Variants in PRKAG2 observed in about 807,000 individuals in gnomAD.
PRKAG2 encodes 5'-AMP-activated protein kinase subunit gamma-2.
A neutral mutation model predicts 69.6 loss-of-function variants in PRKAG2; 26 were observed. That is an observed-to-expected ratio of 0.37 (90% CI 0.27 to 0.52). The LOEUF is 0.52. Among genes scored for constraint, PRKAG2 ranks in the 20% least tolerant of loss-of-function variants. The pLI is 0.90. For synonymous variants in PRKAG2, 293 were observed against 285.0 expected (o/e 1.03, Z -0.28); for missense variants, 557 against 740.0 (o/e 0.75, Z 2.87).
In PRKAG2 at chr7:151,798,160, C is replaced by T. The variant is rs140450122; in HGVS notation, c.115-11619G>A. Among the ~76,000 whole-genome samples, 911 of 152,092 alleles carry T rather than the reference C, an allele frequency of 6.0e-3. 13 individuals are homozygous for T. The highest frequency in any genetic ancestry group is 0.021 in the African/African-American group (872 of 41,466). On this transcript the variant is annotated intron_variant, in intron 1 of 15. Coordinates refer to ENST00000287878, the MANE Select transcript of PRKAG2 (RefSeq NM_016203.4). ...CTGAGATTACAGGCGCCCGCCACCA[C>T]GCCTGGCTAATTTTTGTATATTTAG...
intron 1 of PRKAG2, among the ~76,000 whole-genome samples, chr7:151,794,589 C>A (rs993285431): frequency 2.0e-5 from 3 of 152,278 alleles, no homozygotes; most frequent in Admixed American, 2.0e-4. Flanking sequence ...GCATCATCAC[C>A]AGGGCAGCCA....
chr7:151,599,894 C>T (rs1055506421), intron 5 of PRKAG2, among the ~76,000 whole-genome samples: 6 of 152,222 alleles, frequency 3.9e-5, no homozygotes, highest in African/African-American at 1.4e-4. Context: ...ATTAAACACT[C>T]CTGCTCCGTA....
At chr7:151,869,216 G>C (rs1342308315) in intron 1 of PRKAG2, among the ~76,000 whole-genome samples, 1 of 152,206 alleles carries the variant, frequency 6.6e-6, no homozygotes, top group Non-Finnish European at 1.5e-5. Flanking sequence ...TGCTGCTTCT[G>C]TTTATGTTAA....
chr7:151,799,518 G>A (rs1033662285), intron 1 of PRKAG2, among the ~76,000 whole-genome samples: 3 of 152,158 alleles, frequency 2.0e-5, no homozygotes, highest in East Asian at 1.9e-4. Flanking sequence ...CACAAAGCCC[G>A]TGCTCCAACT....
At chr7:151,769,275 A>G (rs1232666925) in intron 3 of PRKAG2, among the ~76,000 whole-genome samples, 2 of 152,224 alleles carry the variant, frequency 1.3e-5, no homozygotes, top group Non-Finnish European at 2.9e-5. Flanking sequence ...GCTGGGTTAG[A>G]CAGTGCCCCC....
chr7:151,786,591 G>C (rs2077022049), intron 1 of PRKAG2, 50 bp from the exon 2 acceptor site: 1 of 1,473,602 alleles, frequency 6.8e-7, no homozygotes, highest in African/African-American at 1.4e-5. Flanking sequence ...CTCGGGCCCA[G>C]GGGCTGCATG....
At chr7:151,602,410 G>C (rs1215294819) in intron 5 of PRKAG2, among the ~76,000 whole-genome samples, 3 of 152,128 alleles carry the variant, frequency 2.0e-5, no homozygotes, top group Admixed American at 2.0e-4. Context: ...ATACATGTTA[G>C]TATTACTATA....
chr7:151,737,606 G>C (rs1240289177), intron 3 of PRKAG2, among the ~76,000 whole-genome samples: 1 of 152,188 alleles, frequency 6.6e-6, no homozygotes, highest in Non-Finnish European at 1.5e-5. Flanking sequence ...GGAGTGTGGG[G>C]TGGAAGCGCC....
In PRKAG2 at chr7:151,835,106, G is replaced by C. The variant is rs567371625; in HGVS notation, c.114+41401C>G. Reference sequence around the variant, plus strand: ...CATCAAAACTCATCACATCGGAAACGACCCTGTTTCCAAAAGAGGTCACAT... The same window carrying C: ...CATCAAAACTCATCACATCGGAAACCACCCTGTTTCCAAAAGAGGTCACAT... On this transcript the variant is annotated intron_variant, in intron 1 of 15. Coordinates refer to ENST00000287878, the MANE Select transcript of PRKAG2 (RefSeq NM_016203.4). The surrounding 1 kb of genome is among the most constrained non-coding windows in gnomAD (Gnocchi z 4.1). Among the ~76,000 whole-genome samples, 447 of 152,274 alleles carry C rather than the reference G, an allele frequency of 2.9e-3. 2 individuals are homozygous for C. The highest frequency in any genetic ancestry group is 4.5e-3 in the Non-Finnish European group (309 of 68,024).
At chr7:151,687,809 AC>A (rs1170729185) in intron 3 of PRKAG2, among the ~76,000 whole-genome samples, 1 of 152,164 alleles carries the variant, frequency 6.6e-6, no homozygotes, top group African/African-American at 2.4e-5. Flanking sequence ...TGGGGAGAAG[AC>A]CGTTTGTATG....
chr7:151,640,636 A>T (rs1028685543), intron 4 of PRKAG2, among the ~76,000 whole-genome samples: 1 of 151,696 alleles, frequency 6.6e-6, no homozygotes, highest in Non-Finnish European at 1.5e-5. Flanking sequence ...CTTTTCTTTC[A>T]GTCTGCTTTT....
chr7:151,703,116 A>C (rs537786280), intron 3 of PRKAG2, among the ~76,000 whole-genome samples: 10 of 152,292 alleles, frequency 6.6e-5, no homozygotes, highest in African/African-American at 2.4e-4. Context: ...TCAGCCTCTC[A>C]CATTGCCTGC....
intron 1 of PRKAG2, among the ~76,000 whole-genome samples, chr7:151,832,234 GAGGA>G (rs1429834309): frequency 8.9e-5 from 5 of 56,132 alleles, no homozygotes; most frequent in Non-Finnish European, 2.1e-4. Flanking sequence ...GAGGGAAGGA[GAGGA>G]GGAGGGAAGG....
chr7:151,780,205 T>C lies in PRKAG2; in HGVS notation c.466+947A>G, dbSNP rs1244002170. ...AGGCTGACAGAGACCTGGCTTCTCG[T>C]CCTACAGCCACTGCTGCCTGATGGA... is the stretch of plus-strand genomic sequence containing the variant. On this transcript the variant is annotated intron_variant, in intron 3 of 15. Coordinates refer to ENST00000287878, the MANE Select transcript of PRKAG2 (RefSeq NM_016203.4). The surrounding 1 kb of genome is among the most constrained non-coding windows in gnomAD (Gnocchi z 4.2). Among the ~76,000 whole-genome samples, 1 of 152,256 alleles carries C rather than the reference T, an allele frequency of 6.6e-6. No individual in the cohort carries two copies. The highest frequency in any genetic ancestry group is 1.5e-5 in the Non-Finnish European group (1 of 68,046).
intron 4 of PRKAG2, among the ~76,000 whole-genome samples, chr7:151,645,658 G>A (rs1048108986): frequency 6.6e-6 from 1 of 152,156 alleles, no homozygotes; most frequent in African/African-American, 2.4e-5. Context: ...CTCTCCTTCT[G>A]TGGCTTGCCT....
chr7:151,714,390 G>A (rs1285331419), intron 3 of PRKAG2, among the ~76,000 whole-genome samples: 1 of 145,788 alleles, frequency 6.9e-6, no homozygotes, highest in Non-Finnish European at 1.5e-5. Flanking sequence ...GCGCCCCGCC[G>A]TGCCTAGGTG....
chr7:151,646,610 A>G (rs1827601982), intron 4 of PRKAG2, among the ~76,000 whole-genome samples: 1 of 152,206 alleles, frequency 6.6e-6, no homozygotes, highest in Admixed American at 6.5e-5. Flanking sequence ...AAGTAATCAC[A>G]TCATCTACTG....
At chr7:151,617,046 G>C (rs1246040750) in intron 5 of PRKAG2, among the ~76,000 whole-genome samples, 1 of 151,894 alleles carries the variant, frequency 6.6e-6, no homozygotes, top group Non-Finnish European at 1.5e-5. Context: ...GATCGCCTGA[G>C]GTCAAGAGTA....
At chr7:151,616,265 C>G (rs1478538480) in intron 5 of PRKAG2, among the ~76,000 whole-genome samples, 1 of 152,186 alleles carries the variant, frequency 6.6e-6, no homozygotes, top group African/African-American at 2.4e-5. Context: ...CGGGAGGAAG[C>G]AGGTGCACAT....
Sources: gnomAD v4.1 joint callset for allele counts (sites outside exome capture counted in the v4.1 genomes callset) on GRCh38, gnomAD v4.1.1 for gene constraint, Gnocchi (gnomAD v3.1) non-coding constraint, MANE v1.5 for transcripts, NCBI Gene and HGNC (gene_info 2026-07-23, HGNC 2026-07-21) for gene names.